Variants in NARS2 observed in about 807,000 individuals in gnomAD.
NARS2 encodes the protein asparaginyl-tRNA synthetase 2, mitochondrial.
In NARS2, 60 loss-of-function variants were observed where a neutral mutation model predicts 62.9. The observed-to-expected ratio is 0.95, with a 90% CI of 0.77 to 1.18. The LOEUF (loss-of-function observed/expected upper bound fraction) is 1.18, where lower values mean the gene tolerates loss of function less well. Ranked by LOEUF, NARS2 falls within the 50% of genes most tolerant of loss-of-function variation. The pLI, the probability that NARS2 is intolerant of heterozygous loss-of-function variation, is 0.00. For synonymous variants in NARS2, 196 were observed against 200.0 expected (o/e 0.98, Z 0.17); for missense variants, 619 against 576.4 (o/e 1.07, Z -0.76).
chr11:78,478,745 G>C, intron 7 of NARS2, 62 bp from the exon 8 acceptor site: 1 of 1,020,850 alleles, frequency 9.8e-7, no homozygotes, highest in East Asian at 2.6e-5. Context: ...AACCTGTTCA[G>C]GACTCAATAA....
intron 5 of NARS2, among the ~76,000 whole-genome samples, chr11:78,540,867 C>G (rs1044332524): frequency 6.6e-6 from 1 of 152,178 alleles, no homozygotes; most frequent in Admixed American, 6.5e-5. Flanking sequence ...ATAAAAAAAT[C>G]TAAGTTAGAT....
chr11:78,509,251 G>C (rs1417412035), intron 6 of NARS2, among the ~76,000 whole-genome samples: 1 of 151,972 alleles, frequency 6.6e-6, no homozygotes, highest in Admixed American at 6.6e-5. Flanking sequence ...TCCTTCAAAA[G>C]TAAGGGAGAA....
intron 6 of NARS2, among the ~76,000 whole-genome samples, chr11:78,493,869 A>G (rs1357399436): frequency 1.3e-5 from 2 of 152,176 alleles, no homozygotes; most frequent in Admixed American, 1.3e-4. Flanking sequence ...AAAGAAAAAA[A>G]CACCGCAGCC....
rs900304625 is a variant in NARS2, at chr11:78,574,770, C to A, written c.-282G>T. 4.7e-6 allele frequency: 2 copies of A among 424,832 alleles called. No homozygotes were observed. Among genetic ancestry groups the A allele is most frequent in the East Asian group, 4.3e-5 (1 of 23,038 alleles). The allele number at this position is 424,832 out of a possible 1,614,324, so 26.3% of individuals were successfully genotyped here. A position where few individuals can be genotyped will look rare whatever the true frequency, so the allele number is the denominator to read the frequency against. On this transcript the variant is annotated 5_prime_UTR_variant, in exon 1 of 14. Transcript: ENST00000281038. ...TTGGCAGCTGGGGCGCCCCACTACCCGCGACAATTGTAAACCTACGAACAG... is the reference window on the plus strand; with the variant it reads ...TTGGCAGCTGGGGCGCCCCACTACCAGCGACAATTGTAAACCTACGAACAG...
chr11:78,516,091 T>C (rs921199307), intron 6 of NARS2, among the ~76,000 whole-genome samples: 1 of 152,180 alleles, frequency 6.6e-6, no homozygotes, highest in Non-Finnish European at 1.5e-5. Flanking sequence ...TTCTAAGTAT[T>C]TGGAAGTTGA....
At chr11:78,487,075 G>A (rs778748182) in intron 7 of NARS2, among the ~76,000 whole-genome samples, 3 of 152,078 alleles carry the variant, frequency 2.0e-5, no homozygotes, top group Non-Finnish European at 2.9e-5. Context: ...AAAAATACTA[G>A]CCAGGCATGG....
intron 11 of NARS2, chr11:78,444,034 T>C (rs1370417476): frequency 1.4e-5 from 3 of 213,532 alleles, no homozygotes; most frequent in Non-Finnish European, 2.8e-5. Context: ...AAAAATCACC[T>C]ATCAGTACCA....
At chr11:78,527,950 A>G (rs1273103626) in intron 6 of NARS2, among the ~76,000 whole-genome samples, 1 of 152,114 alleles carries the variant, frequency 6.6e-6, no homozygotes, top group African/African-American at 2.4e-5. Flanking sequence ...CTCTACAAAA[A>G]ATTTTAAAAA....
chr11:78,573,437 G>C (rs1283556824), intron 1 of NARS2: 1 of 152,330 alleles, frequency 6.6e-6, no homozygotes, highest in Middle Eastern at 3.4e-3. Flanking sequence ...TCTGGAGGCC[G>C]AGGCAGGAGG....
intron 11 of NARS2, among the ~76,000 whole-genome samples, chr11:78,449,994 T>C (rs754185197): frequency 1.3e-5 from 2 of 152,238 alleles, no homozygotes; most frequent in Non-Finnish European, 2.9e-5. Context: ...AAAAAGATCA[T>C]GTATGACTAT....
chr11:78,571,549 C>A lies in NARS2; in HGVS notation c.142-105G>T. On this transcript the variant is annotated intron_variant, in intron 1 of 13. Transcript: ENST00000281038. The stretch of plus-strand genomic sequence containing the variant: ...AGTAAAACATGTACTCACAATCCTG[C>A]CTCAACAAATCAACTTCTTTTAGTT... 7.0e-6 allele frequency: 5 copies of A among 716,042 alleles called. No homozygotes were observed. The Admixed American group carries it at 1.1e-4, about 15-fold the overall frequency. 44.4% of individuals were successfully genotyped at this position (716,042 alleles called of 1,614,324 possible). A position where few individuals can be genotyped will look rare whatever the true frequency, so the allele number is the denominator to read the frequency against.
intron 5 of NARS2, among the ~76,000 whole-genome samples, chr11:78,555,914 T>C (rs1328189382): frequency 2.6e-5 from 4 of 152,210 alleles, no homozygotes; most frequent in African/African-American, 9.6e-5. Context: ...AACTTTTTGA[T>C]GTCTGTCTTA....
intron 4 of NARS2, among the ~76,000 whole-genome samples, chr11:78,565,458 GCTTACTAC>G (rs1856710873): frequency 2.0e-5 from 3 of 152,150 alleles, no homozygotes; most frequent in Admixed American, 2.0e-4. Context: ...CAGTAGACCA[GCTTACTAC>G]CTTGAGATCT....
intron 5 of NARS2, among the ~76,000 whole-genome samples, chr11:78,532,910 C>T (rs564305545): frequency 2.0e-5 from 3 of 152,284 alleles, no homozygotes; most frequent in South Asian, 2.1e-4. Flanking sequence ...AACTTCTTTG[C>T]TTCTACTTAT....
chr11:78,444,098 AAAGTAT>A (rs1857667983), intron 11 of NARS2: 1 of 173,994 alleles, frequency 5.7e-6, no homozygotes, highest in African/African-American at 2.4e-5. Flanking sequence ...ATACATTTAT[AAAGTAT>A]AATTACAGAT....
intron 9 of NARS2, among the ~76,000 whole-genome samples, chr11:78,478,164 AT>A (rs1485166493): frequency 1.4e-5 from 2 of 146,192 alleles, no homozygotes; most frequent in African/African-American, 5.6e-5. Flanking sequence ...TACATAGTTA[AT>A]AGTTACTAGA....
At chr11:78,496,985 A>T (rs1860085467) in intron 6 of NARS2, among the ~76,000 whole-genome samples, 1 of 152,156 alleles carries the variant, frequency 6.6e-6, no homozygotes, top group African/African-American at 2.4e-5. Flanking sequence ...ATTTAAATAA[A>T]ATCTGAGAAC....
intron 5 of NARS2, 64 bp from the exon 6 acceptor site, chr11:78,529,000 T>C: frequency 9.8e-7 from 1 of 1,025,162 alleles, no homozygotes; most frequent in Non-Finnish European, 1.5e-6. Context: ...TTCACATTCA[T>C]ATACATGTCA....
intron 5 of NARS2, among the ~76,000 whole-genome samples, chr11:78,550,919 T>A (rs1185235823): frequency 6.6e-6 from 1 of 152,134 alleles, no homozygotes; most frequent in Non-Finnish European, 1.5e-5. Flanking sequence ...TAAAAAGGAA[T>A]GAAGTACTGA....
Sources: allele counts gnomAD v4.1 joint callset (sites outside exome capture counted in the v4.1 genomes callset), GRCh38; gene constraint gnomAD v4.1.1; transcripts MANE v1.5; gene names NCBI Gene and HGNC (gene_info 2026-07-23, HGNC 2026-07-21).